IFFO1: variants seen among roughly 807,000 people sequenced by gnomAD.
IFFO1 encodes the protein intermediate filament family orphan 1, also known as non-homologous end joining factor IFFO1.
In IFFO1, 42 loss-of-function variants were observed where a neutral mutation model predicts 59.6. That is an observed-to-expected ratio of 0.70 (90% CI 0.55 to 0.91). The LOEUF is 0.91. Among genes scored for constraint, IFFO1 ranks in the 40% least tolerant of loss-of-function variants. The pLI is 0.00. For synonymous variants in IFFO1, 336 were observed against 342.8 expected (o/e 0.98, Z 0.22); for missense variants, 711 against 793.2 (o/e 0.90, Z 1.24).
chr12:6,555,924 C>G lies in IFFO1; in HGVS notation c.106G>C (p.Gly36Arg). ...GAGAGAGGCGCCGGGGGCAAGTCTCCTCCCCCGGCGAAGTGGTCGCCTCCC... is the reference window on the plus strand; with the variant it reads ...GAGAGAGGCGCCGGGGGCAAGTCTCGTCCCCCGGCGAAGTGGTCGCCTCCC... ...SLGGDHFAGG[G>R]DLPPAPLSPA... Residue 36 changes from glycine (G) to arginine (R), a missense_variant, in exon 1 of 10, where the codon GGA becomes CGA. This residue lies in a region of IFFO1 where 114 missense variants were observed against 102.4 expected (regional missense o/e 1.11). Transcript: ENST00000619571. The surrounding 1 kb of genome is among the most constrained non-coding windows in gnomAD (Gnocchi z 8.6). The G allele has an allele frequency of 7.1e-6, 11 of 1,551,894 alleles. No homozygotes were observed. The highest frequency in any genetic ancestry group is 9.5e-6 in the Non-Finnish European group (11 of 1,153,774).
rs193115626 is a variant in IFFO1 at position 6,542,835 on chromosome 12, C to T, written c.1480-1193G>A. 1.5e-3 allele frequency among the ~76,000 whole-genome samples: 233 copies of T among 152,278 alleles called. 7 individuals carry two copies. In the South Asian group the frequency reaches 0.031, roughly 20 times the overall value. Reference sequence around the variant, plus strand: ...CCCAATTTCTCCACCTTGGAAGAACCGGAGTGCAGGGAGCTGGGTTCTGGA... The same window carrying T: ...CCCAATTTCTCCACCTTGGAAGAACTGGAGTGCAGGGAGCTGGGTTCTGGA... On this transcript the variant is annotated intron_variant, in intron 8 of 9. Coordinates refer to ENST00000619571, the MANE Select transcript of IFFO1 (RefSeq NM_001193457.2).
rs545440169 is a variant in IFFO1 at position 6,553,050 on chromosome 12, A to G, written c.774-2049T>C. On this transcript the variant is annotated intron_variant, in intron 1 of 9. Coordinates refer to ENST00000619571, the MANE Select transcript of IFFO1 (RefSeq NM_001193457.2). ...CACGCACAAGGCAGGGGAGCTGAAA[A>G]TAGAACGCAGGAGGCCTTTAGCTAC... Among the ~76,000 whole-genome samples the G allele has an allele frequency of 2.0e-5, 3 of 152,324 alleles. No individual in the cohort carries two copies. In the South Asian group the frequency reaches 6.2e-4, roughly 32 times the overall value.
At chr12:6,551,474 T>C in intron 1 of IFFO1, 3 of 1,292,348 alleles carry the variant, frequency 2.3e-6, no homozygotes, top group South Asian at 2.5e-5. Context: ...GCCCTGCCTC[T>C]TGTGGTATCA....
intron 9 of IFFO1, among the ~76,000 whole-genome samples, 195 bp from the exon 10 acceptor site, chr12:6,540,783 CTG>C (rs1308248129): frequency 2.0e-5 from 3 of 152,172 alleles, no homozygotes; most frequent in Non-Finnish European, 4.4e-5. Flanking sequence ...TGGGCCCCGC[CTG>C]TGTCTTGGGA....
chr12:6,544,135 A>T (rs1424828923), intron 8 of IFFO1, among the ~76,000 whole-genome samples: 1 of 151,518 alleles, frequency 6.6e-6, no homozygotes, highest in Non-Finnish European at 1.5e-5. Context: ...TTGCACTGGG[A>T]GAGAGGAGGA....
intron 8 of IFFO1, among the ~76,000 whole-genome samples, chr12:6,545,843 G>T (rs1178728686): frequency 6.6e-6 from 1 of 152,184 alleles, no homozygotes; most frequent in Non-Finnish European, 1.5e-5. Flanking sequence ...GTATGGCAGT[G>T]CCCGTGTTCA....
Position 6,549,985 on chromosome 12 carries a change from C to T in IFFO1, c.931-89G>A, listed in dbSNP as rs1381055525. 9.5e-6 allele frequency: 13 copies of T among 1,369,724 alleles called. No homozygotes were observed. The highest frequency in any genetic ancestry group is 1.4e-5 in the African/African-American group (1 of 69,322). 84.8% of individuals were successfully genotyped at this position (1,369,724 alleles called of 1,614,324 possible). ...CCTGGCAAGGTCCTCATCCTTCCCA[C>T]CACATTGCACCGGTGCCTCTTCTGT... On this transcript the variant is annotated intron_variant, in intron 3 of 9. Coordinates refer to ENST00000619571, the MANE Select transcript of IFFO1 (RefSeq NM_001193457.2). The surrounding 1 kb of genome is among the most constrained non-coding windows in gnomAD (Gnocchi z 5.0).
Position 6,540,557 on chromosome 12 carries a change from TAAGCGG to T in IFFO1, c.1636_1641del (p.Pro546_Leu547del). ...TCGCTTGGCGGCGGCGGCGGGTCGC[TAAGCGG>T]GACCGCAGTGAAAGCAGGAGACTTT... On this transcript the variant is annotated inframe_deletion, in exon 10 of 10. Transcript: ENST00000619571. The T allele has an allele frequency of 1.2e-6, 2 of 1,613,850 alleles. No individual in the cohort carries two copies.
chr12:6,555,328 G>A lies in IFFO1; in HGVS notation c.702C>T (p.Ile234=). The stretch of plus-strand genomic sequence containing the variant: ...TGTAGAGAGCGCGGATCTCGGGCGT[G>A]ATGGTGTCGATCTGGACGCCCACCC... ...PDGVGVQIDT[I]TPEIRALYNV... is the part of the protein sequence containing the mutation. The change falls in exon 1 of 10, where the codon ATC becomes ATT. Residue 234 remains isoleucine (I), a synonymous_variant. Coordinates refer to ENST00000619571, the MANE Select transcript of IFFO1 (RefSeq NM_001193457.2). The surrounding 1 kb of genome is among the most constrained non-coding windows in gnomAD (Gnocchi z 8.6). The A allele has an allele frequency of 3.1e-6, 5 of 1,614,172 alleles. No homozygotes were observed. Among genetic ancestry groups the A allele is most frequent in the Non-Finnish European group, 4.2e-6 (5 of 1,180,018 alleles).
In IFFO1 at chr12:6,555,444, T is replaced by C. The variant is rs780652354; in HGVS notation, c.586A>G (p.Ile196Val). Reference sequence around the variant, plus strand: ...CGGCGGGCGTGCGAGAACGACCAGATGGTGCCGGGCATGAAGCGGGCCGAC... The same window carrying C: ...CGGCGGGCGTGCGAGAACGACCAGACGGTGCCGGGCATGAAGCGGGCCGAC... ...SSSARFMPGT[I>V]WSFSHARRLG... Residue 196 changes from isoleucine to valine, a missense_variant, in exon 1 of 10, where the codon ATC becomes GTC. Transcript: ENST00000619571. The surrounding 1 kb of genome is among the most constrained non-coding windows in gnomAD (Gnocchi z 8.6). 3.7e-6 allele frequency: 6 copies of C among 1,613,658 alleles called. No homozygotes were observed. In the East Asian group the frequency reaches 1.3e-4, roughly 36 times the overall value.
At chr12:6,547,651 A>G (rs1449716710) in intron 8 of IFFO1, among the ~76,000 whole-genome samples, 1 of 151,822 alleles carries the variant, frequency 6.6e-6, no homozygotes, top group Admixed American at 6.6e-5. Flanking sequence ...AGCCTAGGCA[A>G]CAGAGTGAAA....
Position 6,548,006 on chromosome 12 carries a change from G to T in IFFO1, c.1479+59C>A. The T allele has an allele frequency of 2.3e-6, 3 of 1,280,808 alleles. No individual in the cohort carries two copies. The highest frequency in any genetic ancestry group is 1.5e-5 in the African/African-American group (1 of 68,286). The allele number at this position is 1,280,808 out of a possible 1,614,324, so 79.3% of individuals were successfully genotyped here. A position where few individuals can be genotyped will look rare whatever the true frequency, so the allele number is the denominator to read the frequency against. ...CAGCAGGGATGAGGCCACTGCGCCT[G>T]CAGCCCCACTCAAAACCCTCTGGGA... On this transcript the variant is annotated intron_variant, in intron 8 of 9. Transcript: ENST00000619571. The surrounding 1 kb of genome is among the most constrained non-coding windows in gnomAD (Gnocchi z 6.1).
Position 6,555,822 on chromosome 12 carries a change from G to A in IFFO1, c.208C>T (p.Leu70=). The part of the protein sequence containing the change: ...PPAAMALRND[L]GSNINVLKTL... Reference sequence around the variant, plus strand: ...TTGAGCACGTTGATGTTGGAGCCCAGGTCATTGCGGAGGGCCATGGCGGCA... The same window carrying A: ...TTGAGCACGTTGATGTTGGAGCCCAAGTCATTGCGGAGGGCCATGGCGGCA... Residue 70 remains leucine, a synonymous_variant, in exon 1 of 10, where the codon CTG becomes TTG. Transcript: ENST00000619571. This position sits in a 1 kb window ranked among gnomAD's most constrained non-coding sequence, Gnocchi z 8.6. The A allele has an allele frequency of 1.9e-6, 3 of 1,612,114 alleles. No homozygotes were observed. The highest frequency in any genetic ancestry group is 2.5e-6 in the Non-Finnish European group (3 of 1,179,092).
rs1947161342 is a variant in IFFO1, at chr12:6,549,925, G to C, written c.931-29C>G. On this transcript the variant is annotated intron_variant, in intron 3 of 9. Transcript: ENST00000619571. The surrounding 1 kb of genome is among the most constrained non-coding windows in gnomAD (Gnocchi z 5.0). Reference sequence around the variant, plus strand: ...TCCAGGGAGCCCAGGGAACAGTGAGGAGGCGCCCAGTTCTCCAGACAAGGA... The same window carrying C: ...TCCAGGGAGCCCAGGGAACAGTGAGCAGGCGCCCAGTTCTCCAGACAAGGA... The C allele has an allele frequency of 1.2e-6, 2 of 1,603,438 alleles. No individual in the cohort carries two copies. Among genetic ancestry groups the C allele is most frequent in the Non-Finnish European group, 1.7e-6 (2 of 1,173,056 alleles).
chr12:6,541,482 G>C lies in IFFO1; in HGVS notation c.1610+30C>G. On this transcript the variant is annotated intron_variant, in intron 9 of 9. Coordinates refer to ENST00000619571, the MANE Select transcript of IFFO1 (RefSeq NM_001193457.2). The surrounding 1 kb of genome is among the most constrained non-coding windows in gnomAD (Gnocchi z 4.8). ...CCTTTCTCCCCGCTGTGTCCCCCTG[G>C]AAGGCCCCATGCCCAGGGGAGGCGC... 1.2e-6 allele frequency: 2 copies of C among 1,611,218 alleles called. No individual in the cohort carries two copies. Among genetic ancestry groups the C allele is most frequent in the Non-Finnish European group, 1.7e-6 (2 of 1,179,850 alleles).
chr12:6,540,542 GC>G lies in IFFO1; in HGVS notation c.1656del (p.Pro553ArgfsTer18). On this transcript the variant is annotated frameshift_variant, in exon 10 of 10. Transcript: ENST00000619571. LOFTEE classifies it high-confidence loss of function. ...FTAVPLSDPP[P>X]PPSEAEDSDR... ...TCGGAGTCCTCAGCCTCGCTTGGCG[GC>G]GGCGGCGGGTCGCTAAGCGGGACCG... 1 of 1,614,000 alleles carries G rather than the reference GC, an allele frequency of 6.2e-7. No individual in the cohort carries two copies. The highest frequency in any genetic ancestry group is 8.5e-7 in the Non-Finnish European group (1 of 1,180,036).
At chr12:6,547,756 A>AAAGG (rs200755694) in intron 8 of IFFO1, among the ~76,000 whole-genome samples, 32 of 149,964 alleles carry the variant, frequency 2.1e-4, no homozygotes, top group East Asian at 1.2e-3. Flanking sequence ...AGAGAGAGAG[A>AAAGG]AAGGAAGGAA....
chr12:6,542,070 G>C (rs1223884312), intron 8 of IFFO1, among the ~76,000 whole-genome samples: 1 of 152,134 alleles, frequency 6.6e-6, no homozygotes, highest in Non-Finnish European at 1.5e-5. Flanking sequence ...TTAGCGACAG[G>C]TTTTCCTCAT....
At position 6,548,386 on chromosome 12, in the gene IFFO1, G is replaced by A. The variant is rs1350578510; in HGVS notation, c.1383+39C>T. On this transcript the variant is annotated intron_variant, in intron 7 of 9. Coordinates refer to ENST00000619571, the MANE Select transcript of IFFO1 (RefSeq NM_001193457.2). The surrounding 1 kb of genome is among the most constrained non-coding windows in gnomAD (Gnocchi z 6.1). The stretch of plus-strand genomic sequence containing the variant: ...GGGGAGTGGGCTTCAGGCTGGAGAG[G>A]CAGAGCCAGAGGGCCCTGAGGCCGG... The A allele has an allele frequency of 1.3e-6, 2 of 1,581,032 alleles. No individual in the cohort carries two copies. Among genetic ancestry groups the A allele is most frequent in the African/African-American group, 1.3e-5 (1 of 74,196 alleles).
Sources: gnomAD v4.1 joint callset for allele counts (sites outside exome capture counted in the v4.1 genomes callset) on GRCh38, gnomAD v4.1.1 for gene constraint, gnomAD v4.1.1 regional missense constraint, Gnocchi (gnomAD v3.1) non-coding constraint, MANE v1.5 for transcripts, NCBI Gene and HGNC (gene_info 2026-07-23, HGNC 2026-07-21) for gene names.